LTBP1: variants seen among roughly 807,000 people sequenced by gnomAD.
LTBP1 encodes the protein latent-transforming growth factor beta-binding protein 1.
A neutral mutation model predicts 207.6 loss-of-function variants in LTBP1; 129 were observed. That is an observed-to-expected ratio of 0.62 (90% CI 0.54 to 0.72). LTBP1 has a LOEUF of 0.72. Ranked by LOEUF, LTBP1 falls within the 30% of genes least tolerant of loss-of-function variation. The pLI, the probability that LTBP1 is intolerant of heterozygous loss-of-function variation, is 0.00. For missense variants in LTBP1, 2,281 were observed against 2,217.2 expected (o/e 1.03, Z -0.58); for synonymous variants, 963 against 833.7 (o/e 1.16, Z -2.67).
intron 2 of LTBP1, among the ~76,000 whole-genome samples, chr2:32,984,845 C>T (rs1382882284): frequency 2.0e-5 from 3 of 151,950 alleles, no homozygotes; most frequent in African/African-American, 7.3e-5. Context: ...GCAGGAGAAT[C>T]GCTTGAACCC....
intron 20 of LTBP1, among the ~76,000 whole-genome samples, chr2:33,298,054 G>A (rs1248548852): frequency 6.6e-6 from 1 of 152,218 alleles, no homozygotes; most frequent in East Asian, 1.9e-4. Context: ...AATGTCAGGT[G>A]TACATTCACA....
chr2:33,137,640 T>G (rs181214016), intron 5 of LTBP1, among the ~76,000 whole-genome samples: 88 of 152,364 alleles, frequency 5.8e-4, no homozygotes, highest in African/African-American at 2.1e-3. Flanking sequence ...ATAATTAGTT[T>G]TGATAATCAG....
At chr2:33,124,430 A>T (rs1254515173) in intron 4 of LTBP1, among the ~76,000 whole-genome samples, 3 of 152,184 alleles carry the variant, frequency 2.0e-5, no homozygotes, top group Non-Finnish European at 2.9e-5. Flanking sequence ...AAATTATTCA[A>T]ATGCAGAGTA....
chr2:33,316,447 A>T (rs1207547280), intron 24 of LTBP1, among the ~76,000 whole-genome samples: 8 of 152,192 alleles, frequency 5.3e-5, no homozygotes, highest in South Asian at 2.1e-4. Flanking sequence ...ACTAATTATT[A>T]TATTGGGAGG....
chr2:33,173,137 C>T (rs2085636972), intron 5 of LTBP1, among the ~76,000 whole-genome samples: 1 of 151,870 alleles, frequency 6.6e-6, no homozygotes, highest in South Asian at 2.1e-4. Context: ...TAGCAGAAGG[C>T]AAGAAATAAC....
intron 22 of LTBP1, among the ~76,000 whole-genome samples, chr2:33,301,980 A>G (rs2093996151): frequency 6.6e-6 from 1 of 152,246 alleles, no homozygotes; most frequent in South Asian, 2.1e-4. Context: ...AAATGTTCCA[A>G]ATAAGTAAAT....
At chr2:33,243,921 G>A in intron 10 of LTBP1, 137 bp downstream of exon 10, 1 of 922,608 alleles carries the variant, frequency 1.1e-6, no homozygotes, top group Non-Finnish European at 1.6e-6. Context: ...TAACAAGCAA[G>A]GGGCCTGCCT....
chr2:33,150,503 A>G (rs1572867919), intron 5 of LTBP1, among the ~76,000 whole-genome samples: 1 of 151,864 alleles, frequency 6.6e-6, no homozygotes, highest in African/African-American at 2.4e-5. Flanking sequence ...CATCATCACT[A>G]TCCATATAAT....
At chr2:33,082,862 G>GTCACTGGGTGGGCATCTGGTCC (rs533724261) in intron 3 of LTBP1, among the ~76,000 whole-genome samples, 1 of 152,092 alleles carries the variant, frequency 6.6e-6, no homozygotes, top group African/African-American at 2.4e-5. Context: ...GCCTTTGCCG[G>GTCACTGGGTGGGCATCTGGTCC]TCACTGGGTG....
intron 4 of LTBP1, among the ~76,000 whole-genome samples, chr2:33,117,353 G>A (rs186884625): frequency 6.2e-4 from 94 of 152,240 alleles, no homozygotes; most frequent in South Asian, 1.2e-3. Context: ...GGCAAGTCAC[G>A]GAAACATCTC....
At chr2:33,330,659 G>A (rs1332626802) in intron 24 of LTBP1, among the ~76,000 whole-genome samples, 1 of 151,492 alleles carries the variant, frequency 6.6e-6, no homozygotes, top group Non-Finnish European at 1.5e-5. Flanking sequence ...TACATTGACT[G>A]GATTTTAAAA....
intron 2 of LTBP1, among the ~76,000 whole-genome samples, chr2:32,979,106 G>C (rs1682341069): frequency 6.6e-6 from 1 of 151,264 alleles, no homozygotes; most frequent in Non-Finnish European, 1.5e-5. Context: ...AGTTTGGTCA[G>C]AGATTTATTG....
At chr2:33,221,955 T>A (rs2091137772) in intron 8 of LTBP1, 125 bp from the exon 9 acceptor site, 1 of 617,050 alleles carries the variant, frequency 1.6e-6, no homozygotes, top group Non-Finnish European at 3.0e-6. Flanking sequence ...ACATTGGTAT[T>A]GGTTTCTTAT....
chr2:33,258,878 G>T (rs2147908173), intron 12 of LTBP1, among the ~76,000 whole-genome samples: 1 of 152,156 alleles, frequency 6.6e-6, no homozygotes, highest in East Asian at 1.9e-4. Context: ...GTTGATCCAG[G>T]GCTTTAGAAC....
intron 15 of LTBP1, 79 bp downstream of exon 15, chr2:33,263,471 A>G (rs2093079430): frequency 9.8e-7 from 1 of 1,024,960 alleles, no homozygotes; most frequent in South Asian, 1.4e-5. Flanking sequence ...AGTATCCATT[A>G]TATAAGCTTG....
At chr2:33,142,184 T>C (rs2082686530) in intron 5 of LTBP1, among the ~76,000 whole-genome samples, 1 of 152,030 alleles carries the variant, frequency 6.6e-6, no homozygotes. Flanking sequence ...CCCGAGCAGC[T>C]GGGATCACAG....
chr2:33,039,311 A>C (rs1558548115), intron 3 of LTBP1, among the ~76,000 whole-genome samples: 3 of 150,818 alleles, frequency 2.0e-5, no homozygotes, highest in African/African-American at 4.9e-5. Flanking sequence ...AAAAAAAAAC[A>C]CCAAAACCCA....
intron 5 of LTBP1, among the ~76,000 whole-genome samples, chr2:33,179,311 C>A (rs545923546): frequency 6.6e-6 from 1 of 152,240 alleles, no homozygotes; most frequent in East Asian, 1.9e-4. Flanking sequence ...AACCCCTCAT[C>A]TAGAGTTTAA....
intron 31 of LTBP1, among the ~76,000 whole-genome samples, chr2:33,383,547 T>G (rs915349891): frequency 4.6e-5 from 7 of 152,140 alleles, no homozygotes; most frequent in East Asian, 1.9e-4. Context: ...CTTTTCTGCT[T>G]CTTTTTCTCT....
Sources: gnomAD v4.1 joint callset for allele counts (sites outside exome capture counted in the v4.1 genomes callset) on GRCh38, gnomAD v4.1.1 for gene constraint, MANE v1.5 for transcripts, NCBI Gene and HGNC (gene_info 2026-07-23, HGNC 2026-07-21) for gene names.